Variants in PLCZ1 observed in about 807,000 individuals in gnomAD.
PLCZ1 encodes the protein phospholipase C zeta 1.
PLCZ1 carries 64 observed loss-of-function variants against 76.8 expected under a neutral mutation model. The ratio of observed to expected loss-of-function variants is 0.83; its 90% CI spans 0.68 to 1.03. The LOEUF (loss-of-function observed/expected upper bound fraction) is 1.03, where lower values mean the gene tolerates loss of function less well. Among genes scored for constraint, PLCZ1 ranks in the 50% least tolerant of loss-of-function variants. The pLI, the probability that PLCZ1 is intolerant of heterozygous loss-of-function variation, is 0.00. For synonymous variants in PLCZ1, 248 were observed against 230.8 expected, an observed-to-expected ratio of 1.07 and a Z score of -0.68; for missense variants, 751 against 713.7, an observed-to-expected ratio of 1.05 and a Z score of -0.60.
intron 5 of PLCZ1, among the ~76,000 whole-genome samples, chr12:18,713,329 T>C (rs1297570628): frequency 1.3e-5 from 2 of 152,106 alleles, no homozygotes; most frequent in Admixed American, 1.3e-4. Context: ...CCATATAATT[T>C]TACTTATGGT....
At chr12:18,669,739 C>A in the PLCZ1 span, among the ~76,000 whole-genome samples, 1 of 152,078 alleles carries the variant, frequency 6.6e-6, no homozygotes, top group Non-Finnish European at 1.5e-5. Flanking sequence ...CTCACTGCAA[C>A]CTCCGCCTCC....
At chr12:18,669,164 G>A in the PLCZ1 span, among the ~76,000 whole-genome samples, 1 of 152,048 alleles carries the variant, frequency 6.6e-6, no homozygotes, top group South Asian at 2.1e-4. Context: ...CCTCTGATGG[G>A]AAACTAAAGC....
At chr12:18,708,470 C>T (rs147240174) in intron 6 of PLCZ1, among the ~76,000 whole-genome samples, 3 of 152,288 alleles carry the variant, frequency 2.0e-5, no homozygotes, top group Admixed American at 6.5e-5. Context: ...ACAGTGAACA[C>T]TGCAGCACAA....
In PLCZ1 at chr12:18,736,218, T is replaced by C; in HGVS notation, c.135+3A>G. 1 of 1,612,002 alleles carries C rather than the reference T, an allele frequency of 6.2e-7. No homozygotes were observed. The highest frequency in any genetic ancestry group is 8.5e-7 in the Non-Finnish European group (1 of 1,178,636). Reference sequence around the variant, plus strand: ...GATAGGCAGGGGGTGGATGTCATCTTACCTTAAAAATCTGTTTCACATGAA... The same window carrying C: ...GATAGGCAGGGGGTGGATGTCATCTCACCTTAAAAATCTGTTTCACATGAA... On this transcript the variant is annotated splice_donor_region_variant and intron_variant, in intron 3 of 14. Transcript: ENST00000266505.
downstream of PLCZ1, chr12:18,683,137 G>A (rs1400995634): frequency 1.5e-4 from 141 of 968,360 alleles, no homozygotes; most frequent in East Asian, 3.6e-3. Context: ...AGTTTTATGA[G>A]TAATTATTTT....
At chr12:18,728,719 C>T (rs868585399) in intron 3 of PLCZ1, among the ~76,000 whole-genome samples, 67 of 152,066 alleles carry the variant, frequency 4.4e-4, no homozygotes, top group African/African-American at 1.3e-3. Context: ...AAAAGATTTT[C>T]GAGATAGGTA....
chr12:18,686,343 T>C (rs1007331781), intron 13 of PLCZ1, among the ~76,000 whole-genome samples: 1 of 152,070 alleles, frequency 6.6e-6, no homozygotes, highest in South Asian at 2.1e-4. Flanking sequence ...AAAAAGAAAG[T>C]TCCTGACACC....
intron 5 of PLCZ1, among the ~76,000 whole-genome samples, chr12:18,715,399 G>T (rs1002434947): frequency 4.0e-4 from 59 of 146,316 alleles, no homozygotes; most frequent in African/African-American, 1.2e-3. Context: ...GGGGTGTTTG[G>T]TTTTTTTTTT....
chr12:18,714,745 C>A (rs906604777), intron 5 of PLCZ1: 1 of 152,156 alleles, frequency 6.6e-6, no homozygotes, highest in African/African-American at 2.4e-5. Context: ...TCGGCTGCCA[C>A]AACTGGAGAT....
chr12:18,678,290 G>T (rs74604703), downstream of PLCZ1, among the ~76,000 whole-genome samples: 4,732 of 152,148 alleles, frequency 0.031, 248 homozygotes, highest in African/African-American at 0.11. Flanking sequence ...ACTGGTCAGC[G>T]TGCTCAAAAG....
chr12:18,701,403 G>A, intron 9 of PLCZ1, 98 bp downstream of exon 9: 5 of 1,580,936 alleles, frequency 3.2e-6, no homozygotes, highest in Non-Finnish European at 4.3e-6. Context: ...TTTATAAGAA[G>A]GAAAATGATT....
the PLCZ1 span, among the ~76,000 whole-genome samples, chr12:18,664,830 A>C: frequency 6.6e-6 from 1 of 151,786 alleles, no homozygotes; most frequent in Non-Finnish European, 1.5e-5. Flanking sequence ...TGCAGCCACA[A>C]AAAATGATGA....
the PLCZ1 span, among the ~76,000 whole-genome samples, chr12:18,677,420 C>G: frequency 6.6e-6 from 1 of 152,082 alleles, no homozygotes; most frequent in Non-Finnish European, 1.5e-5. Context: ...GTTCTCAAAT[C>G]TGAGCATGCA....
chr12:18,727,754 T>A (rs1284064302), intron 3 of PLCZ1, among the ~76,000 whole-genome samples: 2 of 152,158 alleles, frequency 1.3e-5, no homozygotes, highest in African/African-American at 4.8e-5. Flanking sequence ...TCTAGAAAGA[T>A]TACTCTGGCA....
chr12:18,702,597 C>A lies in PLCZ1; in HGVS notation c.865-821G>T, dbSNP rs960559743. Among the ~76,000 whole-genome samples, 6 of 152,200 alleles carry A rather than the reference C, an allele frequency of 3.9e-5. No individual in the cohort carries two copies. The East Asian group carries it at 1.2e-3, about 29-fold the overall frequency. On this transcript the variant is annotated intron_variant, in intron 7 of 14. Coordinates refer to ENST00000266505, the MANE Select transcript of PLCZ1 (RefSeq NM_033123.4). Reference sequence around the variant, plus strand: ...TTGGGTCTTCCCTCTTTCACAATGACCCTTATGATACTCTCCACTGCAGAG... The same window carrying A: ...TTGGGTCTTCCCTCTTTCACAATGAACCTTATGATACTCTCCACTGCAGAG...
chr12:18,713,091 A>C (rs1957532392), intron 5 of PLCZ1, 105 bp from the exon 6 acceptor site: 1 of 1,415,996 alleles, frequency 7.1e-7, no homozygotes, highest in African/African-American at 1.4e-5. Flanking sequence ...ATAAATGCAT[A>C]AATGAGTCCA....
rs764482291 is a variant in PLCZ1, at chr12:18,736,315, A to G, written c.41T>C (p.Phe14Ser). ...TTCTAGGTTAATTTTTCCACCTCTG[A>G]AGTCATCCTGAATCTTTGACAAAAA... ...RWFLSKIQDD[F>S]RGGKINLEKT... Residue 14 changes from phenylalanine (F) to serine (S), a missense_variant, in exon 3 of 15, where the codon TTC (phenylalanine) becomes TCC (serine). Transcript: ENST00000266505. 6.2e-7 allele frequency: 1 copy of G among 1,612,786 alleles called. No individual in the cohort carries two copies. The highest frequency in any genetic ancestry group is 1.1e-5 in the South Asian group (1 of 91,048).
chr12:18,667,262 A>G, the PLCZ1 span, among the ~76,000 whole-genome samples: 1 of 152,196 alleles, frequency 6.6e-6, no homozygotes, highest in Non-Finnish European at 1.5e-5. Context: ...ATGACAGCAT[A>G]TGACTACCAC....
chr12:18,693,348 G>C, intron 12 of PLCZ1: 2 of 1,590,314 alleles, frequency 1.3e-6, no homozygotes, highest in Non-Finnish European at 1.7e-6. Flanking sequence ...TGGGGGGTTG[G>C]ACAACCAAAT....
Sources: gnomAD v4.1 joint callset for allele counts (sites outside exome capture counted in the v4.1 genomes callset) on GRCh38, gnomAD v4.1.1 for gene constraint, MANE v1.5 for transcripts, NCBI Gene and HGNC (gene_info 2026-07-23, HGNC 2026-07-21) for gene names.